Variants in PHC2 observed in about 807,000 individuals in gnomAD.
PHC2 encodes the protein polyhomeotic-like protein 2.
Under a neutral mutation model 87.4 loss-of-function variants are expected in PHC2, and 29 were observed. That is an observed-to-expected ratio of 0.33 (90% CI 0.25 to 0.45). The LOEUF (loss-of-function observed/expected upper bound fraction) is 0.45. Ranked by LOEUF, PHC2 falls within the 20% of genes least tolerant of loss-of-function variation. The pLI, the probability that PHC2 is intolerant of heterozygous loss-of-function variation, is 1.00. For synonymous variants in PHC2, 438 were observed against 461.7 expected, an observed-to-expected ratio of 0.95 and a Z score of 0.66; for missense variants, 857 against 1,136.7, an observed-to-expected ratio of 0.75 and a Z score of 3.54.
At chr1:33,390,175 G>A (rs1308968669) in intron 1 of PHC2, among the ~76,000 whole-genome samples, 1 of 152,172 alleles carries the variant, frequency 6.6e-6, no homozygotes, top group East Asian at 1.9e-4. Context: ...TGGAATTCGT[G>A]CAGCATCATC....
intron 14 of PHC2, among the ~76,000 whole-genome samples, chr1:33,328,378 A>AATT (rs373812572): frequency 1.0e-4 from 14 of 133,684 alleles, no homozygotes; most frequent in Admixed American, 7.6e-4. Flanking sequence ...TCTTAATTAA[A>AATT]TTTTTTTTTT....
At chr1:33,389,255 C>G (rs147021981) in intron 1 of PHC2, among the ~76,000 whole-genome samples, 1 of 152,224 alleles carries the variant, frequency 6.6e-6, no homozygotes, top group African/African-American at 2.4e-5. Context: ...CAACTCCAAG[C>G]TCTGTGCAGT....
intron 1 of PHC2, among the ~76,000 whole-genome samples, chr1:33,408,898 A>C (rs1649874475): frequency 6.6e-6 from 1 of 152,208 alleles, no homozygotes; most frequent in African/African-American, 2.4e-5. Flanking sequence ...CCAGACTCTC[A>C]GGAATTCATC....
intron 7 of PHC2, among the ~76,000 whole-genome samples, chr1:33,366,644 G>C (rs1039250859): frequency 2.0e-5 from 3 of 152,184 alleles, no homozygotes; most frequent in Non-Finnish European, 4.4e-5. Context: ...TGCACACCTA[G>C]AATTGGCAAC....
rs1646904599 is a variant in PHC2 at position 33,349,140 on chromosome 1, A to C, written c.1558+5261T>G. 1.0e-6 allele frequency: 1 copy of C among 985,314 alleles called. No individual in the cohort carries two copies. The highest frequency in any genetic ancestry group is 1.2e-6 in the Non-Finnish European group (1 of 829,920). 61.0% of individuals were successfully genotyped at this position (985,314 alleles called of 1,614,324 possible). ...AGCTTGTCCCTTTCCATCCAATTAA[A>C]AACCTCGTGAGACTGAACTAGATTA... is the stretch of plus-strand genomic sequence containing the variant. On this transcript the variant is annotated intron_variant, in intron 9 of 14. Transcript: ENST00000683057. This position sits in a 1 kb window ranked among gnomAD's most constrained non-coding sequence, Gnocchi z 4.2.
rs139556350 is a variant in PHC2 at position 33,335,432 on chromosome 1, A to G, written c.1559-1140T>C. On this transcript the variant is annotated intron_variant, in intron 9 of 14. Coordinates refer to ENST00000683057, the MANE Select transcript of PHC2 (RefSeq NM_001385109.1). The stretch of plus-strand genomic sequence containing the variant: ...AATATAAAGCATACCCCAGTGAGGT[A>G]TGAGTGATATATACTTTAAAAGTGA... The G allele has an allele frequency of 2.3e-5, 15 of 645,272 alleles. No individual in the cohort carries two copies. In the East Asian group the frequency reaches 1.1e-3, roughly 48 times the overall value. The allele number at this position is 645,272 out of a possible 1,614,324, so 40.0% of individuals were successfully genotyped here.
Position 33,334,238 on chromosome 1 carries a change from G to T in PHC2, c.1613C>A (p.Thr538Asn). Residue 538 changes from threonine (T) to asparagine (N), a missense_variant, in exon 10 of 15, where the codon ACC (threonine) becomes AAC (asparagine). Physicochemically the swap from Thr to Asn is moderately conservative, Grantham distance 65. Around this residue, in one of 3 missense-constraint regions of PHC2, gnomAD observed 832 missense variants for 1,081.8 expected, o/e 0.77. Transcript: ENST00000683057. The surrounding 1 kb of genome is among the most constrained non-coding windows in gnomAD (Gnocchi z 5.5). ...GGAGGCAGAGTTTCCGTTCCCTGAG[G>T]TCATGCCGGGGCTGCTGAGGTCGGT... The part of the protein sequence containing the change: ...ALTDLSSPGM[T>N]SGNGNSASSI... The T allele has an allele frequency of 6.2e-7, 1 of 1,612,544 alleles. No homozygotes were observed. The highest frequency in any genetic ancestry group is 8.5e-7 in the Non-Finnish European group (1 of 1,179,610).
In PHC2 at chr1:33,367,170, C is replaced by T; in HGVS notation, c.922G>A (p.Ala308Thr). 1.9e-6 allele frequency: 3 copies of T among 1,614,062 alleles called. No homozygotes were observed. The highest frequency in any genetic ancestry group is 1.1e-5 in the South Asian group (1 of 91,068). The change falls in exon 7 of 15, where the codon GCT becomes ACT. Residue 308 changes from alanine to threonine, a missense_variant. Transcript: ENST00000683057. ...SSVPGSMEGR[A>T]GLSRTVPAVA... is the part of the protein sequence containing the mutation. The stretch of plus-strand genomic sequence containing the variant: ...GCAGGAACCGTCCGGCTGAGCCCAG[C>T]CCGGCCTTCCATGCTCCCTGGCACA...
intron 9 of PHC2, chr1:33,346,452 C>T (rs1038837696): frequency 2.9e-5 from 29 of 983,960 alleles, no homozygotes; most frequent in Non-Finnish European, 3.4e-5. Flanking sequence ...TCCCTACTCT[C>T]GTCTCCAGTA....
At chr1:33,330,030 G>A in intron 13 of PHC2, 41 bp downstream of exon 13, 1 of 1,606,022 alleles carries the variant, frequency 6.2e-7, no homozygotes, top group Admixed American at 1.7e-5. Flanking sequence ...GAAGCTGTGG[G>A]GACTGTGGGG....
At chr1:33,360,092 C>G (rs777865242) in intron 7 of PHC2, among the ~76,000 whole-genome samples, 40 of 152,238 alleles carry the variant, frequency 2.6e-4, no homozygotes, top group Non-Finnish European at 5.1e-4. Context: ...AATAGCCACA[C>G]AAATTTTCCA....
At chr1:33,371,426 AGCCACCACCATCACACCTG>A (rs917242980) in intron 3 of PHC2, among the ~76,000 whole-genome samples, 2 of 151,378 alleles carry the variant, frequency 1.3e-5, no homozygotes, top group African/African-American at 2.4e-5. Context: ...CATCACACCC[AGCCACCACCATCACACCTG>A]GCCACCACCA....
intron 1 of PHC2, among the ~76,000 whole-genome samples, chr1:33,389,431 T>G (rs1648938579): frequency 6.6e-6 from 1 of 152,172 alleles, no homozygotes; most frequent in Non-Finnish European, 1.5e-5. Context: ...CTTTCTCTAC[T>G]CCTTTCCTCC....
At chr1:33,330,726 G>T (rs1055212334) in intron 12 of PHC2, among the ~76,000 whole-genome samples, 2 of 152,152 alleles carry the variant, frequency 1.3e-5, no homozygotes, top group African/African-American at 4.8e-5. Context: ...TGCTTCCATT[G>T]TGGTACAAAG....
intron 14 of PHC2, chr1:33,325,487 C>T (rs986053144): frequency 1.6e-5 from 3 of 192,126 alleles, no homozygotes; most frequent in Admixed American, 5.6e-5. Flanking sequence ...GTGAGTGAAC[C>T]GTGCTGGAAG....
intron 1 of PHC2, among the ~76,000 whole-genome samples, chr1:33,426,960 A>C (rs759088674): frequency 1.4e-4 from 21 of 152,310 alleles, no homozygotes; most frequent in Middle Eastern, 3.4e-3. Flanking sequence ...TATTAAACCA[A>C]GCATGGGGCC....
At chr1:33,356,342 G>A (rs1204879835) in intron 7 of PHC2, among the ~76,000 whole-genome samples, 1 of 144,672 alleles carries the variant, frequency 6.9e-6, no homozygotes, top group Non-Finnish European at 1.5e-5. Context: ...TCTCGGAGAG[G>A]GGGATTTGGC....
At chr1:33,372,024 C>T (rs1047744554) in intron 3 of PHC2, among the ~76,000 whole-genome samples, 9 of 152,222 alleles carry the variant, frequency 5.9e-5, no homozygotes, top group Non-Finnish European at 1.2e-4. Context: ...CCTAGACCTG[C>T]GGTAAGGTGG....
chr1:33,329,908 C>A (rs1004092407), intron 13 of PHC2, among the ~76,000 whole-genome samples, 163 bp downstream of exon 13: 1 of 152,166 alleles, frequency 6.6e-6, no homozygotes, highest in African/African-American at 2.4e-5. Context: ...AATGAAGGGA[C>A]CTACTGGGGT....
Sources: allele counts gnomAD v4.1 joint callset (sites outside exome capture counted in the v4.1 genomes callset), GRCh38; gene constraint gnomAD v4.1.1; regional missense constraint gnomAD v4.1.1; non-coding constraint Gnocchi (gnomAD v3.1); transcripts MANE v1.5; gene names NCBI Gene and HGNC (gene_info 2026-07-23, HGNC 2026-07-21).